Variants in FAM149A observed in about 807,000 individuals in gnomAD.
The protein encoded by FAM149A is protein FAM149A.
A neutral mutation model predicts 78.2 loss-of-function variants in FAM149A; 71 were observed. That is an observed-to-expected ratio of 0.91 (90% confidence interval 0.75 to 1.11). The LOEUF (loss-of-function observed/expected upper bound fraction) is 1.11. Among genes scored for constraint, FAM149A ranks in the 50% least tolerant of loss-of-function variants. The pLI is 0.00. For synonymous variants in FAM149A, 446 were observed against 410.5 expected (o/e 1.09, Z -1.04); for missense variants, 1,036 against 971.0 (o/e 1.07, Z -0.89).
At chr4:186,158,806 C>T (rs1424021385) in intron 8 of FAM149A, 6 of 1,013,010 alleles carry the variant, frequency 5.9e-6, no homozygotes, top group Non-Finnish European at 5.9e-6. Flanking sequence ...TCCCAATGCT[C>T]AGGCCCCTGA....
In FAM149A at chr4:186,149,235, C is replaced by T; in HGVS notation, c.629C>T (p.Pro210Leu). The T allele has an allele frequency of 7.8e-7, 1 of 1,289,276 alleles. No homozygotes were observed. Among genetic ancestry groups the T allele is most frequent in the Non-Finnish European group, 1.0e-6 (1 of 988,618 alleles). The allele number at this position is 1,289,276 out of a possible 1,614,324, so 79.9% of individuals were successfully genotyped here. A position where few individuals can be genotyped will look rare whatever the true frequency, so the allele number is the denominator to read the frequency against. The change falls in exon 2 of 14, where the codon CCT (proline) becomes CTT (leucine). Residue 210 changes from proline (P) to leucine (L), a missense_variant. By Grantham distance (98) the Pro-to-Leu change is moderately conservative (BLOSUM62 -3). Coordinates refer to ENST00000389354, the MANE Select transcript of FAM149A (RefSeq NM_001367768.3). ...ACTGTGAGGAGCAAAGATTCTTTACCTACGCATTTTACAAGAAATGTGCAG... is the reference window on the plus strand; with the variant it reads ...ACTGTGAGGAGCAAAGATTCTTTACTTACGCATTTTACAAGAAATGTGCAG...
chr4:186,147,453 G>C (rs138872892), intron 1 of FAM149A, among the ~76,000 whole-genome samples: 1 of 152,288 alleles, frequency 6.6e-6, no homozygotes, highest in African/African-American at 2.4e-5. Context: ...AGCACTGACT[G>C]ACACTTCATA....
chr4:186,154,566 C>CA lies in FAM149A; in HGVS notation c.1158dup (p.Ser387IlefsTer14). On this transcript the variant is annotated frameshift_variant, in exon 6 of 14. Transcript: ENST00000389354. LOFTEE classifies it high-confidence loss of function. ...GGGGTTGCTGACCTAACGGCACGTT[C>CA]ATCCCTGGAAGAAGAGGTTTACCAT... The CA allele has an allele frequency of 6.2e-7, 1 of 1,614,154 alleles. No individual in the cohort carries two copies.
At chr4:186,137,716 T>C (rs887175408) in intron 1 of FAM149A, among the ~76,000 whole-genome samples, 1 of 152,112 alleles carries the variant, frequency 6.6e-6, no homozygotes, top group Non-Finnish European at 1.5e-5. Flanking sequence ...TATCTTGGTT[T>C]ACACAGGCTA....
At chr4:186,136,964 T>TCTCTGTCTCTCTCTCTCTCTCTC in intron 1 of FAM149A, among the ~76,000 whole-genome samples, 1 of 97,110 alleles carries the variant, frequency 1.0e-5, no homozygotes, top group African/African-American at 4.4e-5. Flanking sequence ...CTCTCTCTCT[T>TCTCTGTCTCTCTCTCTCTCTCTC]TCTCTCTCTC....
chr4:186,118,259 G>A (rs2099314544), intron 1 of FAM149A: 1 of 984,400 alleles, frequency 1.0e-6, no homozygotes, highest in Non-Finnish European at 1.2e-6. Context: ...CCTCTGAAAT[G>A]AGGAGCGTCT....
chr4:186,130,263 A>ATCTCTCTCTCTCTCTCTCTCTCTCTCTC (rs150724097), intron 1 of FAM149A: 46 of 67,092 alleles, frequency 6.9e-4, no homozygotes, highest in Non-Finnish European at 8.7e-4. Context: ...ACTTTATGAA[A>ATCTCTCTCTCTCTCTCTCTCTCTCTCTC]TCTCTCTCTC....
At chr4:186,169,016 G>A (rs567580727) in intron 13 of FAM149A, among the ~76,000 whole-genome samples, 2 of 152,270 alleles carry the variant, frequency 1.3e-5, no homozygotes, top group African/African-American at 4.8e-5. Context: ...CGAGGGAACT[G>A]GGGAAATTCT....
At chr4:186,130,702 A>G (rs999333629) in intron 1 of FAM149A, among the ~76,000 whole-genome samples, 1 of 152,064 alleles carries the variant, frequency 6.6e-6, no homozygotes, top group South Asian at 2.1e-4. Flanking sequence ...CAGAAAAAAT[A>G]CCACCAATTT....
At chr4:186,155,596 GGTACA>G (rs1733981144) in intron 6 of FAM149A, among the ~76,000 whole-genome samples, 1 of 151,926 alleles carries the variant, frequency 6.6e-6, no homozygotes, top group South Asian at 2.1e-4. Flanking sequence ...AAACTTATGG[GGTACA>G]GTAGAAGCAG....
intron 1 of FAM149A, among the ~76,000 whole-genome samples, chr4:186,133,811 C>G (rs1216905403): frequency 6.6e-6 from 1 of 152,098 alleles, no homozygotes; most frequent in African/African-American, 2.4e-5. Context: ...CATGTGCCAC[C>G]ACACCTACCT....
intron 13 of FAM149A, 51 bp downstream of exon 13, chr4:186,167,313 A>G: frequency 6.9e-7 from 1 of 1,453,742 alleles, no homozygotes; most frequent in Non-Finnish European, 9.7e-7. Context: ...TGAGATTTCA[A>G]GTTTCAGACA....
At chr4:186,133,231 T>G (rs1327182629) in intron 1 of FAM149A, 20 of 977,906 alleles carry the variant, frequency 2.0e-5, no homozygotes, top group Non-Finnish European at 1.9e-5. Flanking sequence ...TTTAACAATT[T>G]TAAGTGTACC....
Position 186,169,391 on chromosome 4 carries a change from C to T in FAM149A, c.2218+2129C>T, listed in dbSNP as rs966498875. ...TGTTGGTGCAATGAGGCGCGTGCCC[C>T]ATGCAGACGTCCCCAGGCCCCAGGT... On this transcript the variant is annotated intron_variant, in intron 13 of 13. Coordinates refer to ENST00000389354, the MANE Select transcript of FAM149A (RefSeq NM_001367768.3). The T allele has an allele frequency of 3.6e-5, 35 of 985,302 alleles. No individual in the cohort carries two copies. The African/African-American group carries it at 5.9e-4, about 17-fold the overall frequency. The allele number at this position is 985,302 out of a possible 1,614,324, so 61.0% of individuals were successfully genotyped here. A position where few individuals can be genotyped will look rare whatever the true frequency, so the allele number is the denominator to read the frequency against.
Position 186,124,733 on chromosome 4 carries a change from C to T in FAM149A, c.566+19091C>T, listed in dbSNP as rs367552522. Among the ~76,000 whole-genome samples, 18 of 152,110 alleles carry T rather than the reference C, an allele frequency of 1.2e-4. 1 individual carries two copies. Among genetic ancestry groups the T allele is most frequent in the Admixed American group, 3.3e-4 (5 of 15,284 alleles). On this transcript the variant is annotated intron_variant, in intron 1 of 13. Coordinates refer to ENST00000389354, the MANE Select transcript of FAM149A (RefSeq NM_001367768.3). ...GTGCCACAATAAACATACGTGTGCA[C>T]GTGTCTTTATAGCAGCATGATTTAT...
chr4:186,163,558 C>G lies in FAM149A; in HGVS notation c.1814C>G (p.Pro605Arg). ...AAAACACCAGTGCCCTGGAGGCTGC[C>G]TTCTCTTGCTTCAGATTCACAGAGA... The change falls in exon 10 of 14, where the codon CCT becomes CGT. Residue 605 changes from proline (P) to arginine (R), a missense_variant. Pro to Arg is a moderately radical substitution (Grantham distance 103, BLOSUM62 -2). Coordinates refer to ENST00000389354, the MANE Select transcript of FAM149A (RefSeq NM_001367768.3). The G allele has an allele frequency of 6.2e-7, 1 of 1,614,158 alleles. No individual in the cohort carries two copies. Among genetic ancestry groups the G allele is most frequent in the East Asian group, 2.2e-5 (1 of 44,880 alleles).
Position 186,165,836 on chromosome 4 carries a change from A to T in FAM149A, c.2010+372A>T, listed in dbSNP as rs572608609. Among the ~76,000 whole-genome samples, 10 of 152,252 alleles carry T rather than the reference A, an allele frequency of 6.6e-5. 1 individual carries two copies. The South Asian group carries it at 1.0e-3, about 16-fold the overall frequency. ...TCTATGACTTGGTGCAAGTCACTTT[A>T]ATCTCCCTGAGCCTTAGTGTTCTCT... On this transcript the variant is annotated intron_variant, in intron 11 of 13. Transcript: ENST00000389354.
Position 186,144,697 on chromosome 4 carries a change from A to G in FAM149A, c.567-4476A>G, listed in dbSNP as rs1732836191. ...AAACCCGGCCCGGCAGGGAGCGGGGAAGGCGCGCTTTCCCGGAGGTCGGCG... is the reference window on the plus strand; with the variant it reads ...AAACCCGGCCCGGCAGGGAGCGGGGGAGGCGCGCTTTCCCGGAGGTCGGCG... On this transcript the variant is annotated intron_variant, in intron 1 of 13. Coordinates refer to ENST00000389354, the MANE Select transcript of FAM149A (RefSeq NM_001367768.3). The surrounding 1 kb of genome is among the most constrained non-coding windows in gnomAD (Gnocchi z 4.2). 7.1e-6 allele frequency: 4 copies of G among 564,242 alleles called. No homozygotes were observed. The highest frequency in any genetic ancestry group is 9.0e-6 in the Non-Finnish European group (4 of 445,228). 35.0% of individuals were successfully genotyped at this position (564,242 alleles called of 1,614,324 possible).
In FAM149A at chr4:186,149,397, A is replaced by AAATAT. The variant is rs1733294630; in HGVS notation, c.677+115_677+116insATATA. ...AAAAGTAAGATGCAGTTTTATTTTTAACCTAGTGTAAACATCACACTGTAA... is the reference window on the plus strand; with the variant it reads ...AAAAGTAAGATGCAGTTTTATTTTTAAATATACCTAGTGTAAACATCACACTGTAA... On this transcript the variant is annotated intron_variant, in intron 2 of 13. Coordinates refer to ENST00000389354, the MANE Select transcript of FAM149A (RefSeq NM_001367768.3). 8.0e-6 allele frequency: 9 copies of AAATAT among 1,123,942 alleles called. No homozygotes were observed. The East Asian group carries it at 5.3e-4, about 66-fold the overall frequency. 69.6% of individuals were successfully genotyped at this position (1,123,942 alleles called of 1,614,324 possible). A position where few individuals can be genotyped will look rare whatever the true frequency, so the allele number is the denominator to read the frequency against.
Sources: gnomAD v4.1 joint callset for allele counts (sites outside exome capture counted in the v4.1 genomes callset) on GRCh38, gnomAD v4.1.1 for gene constraint, Gnocchi (gnomAD v3.1) non-coding constraint, MANE v1.5 for transcripts, NCBI Gene and HGNC (gene_info 2026-07-23, HGNC 2026-07-21) for gene names.